Variants in SNTG1 observed in about 807,000 individuals in gnomAD.
SNTG1 encodes syntrophin gamma 1.
SNTG1 carries 39 observed loss-of-function variants against 74.7 expected under a neutral mutation model. The ratio of observed to expected loss-of-function variants is 0.52; its 90% CI spans 0.40 to 0.68. SNTG1 has a LOEUF of 0.68. SNTG1 is among the 30% of genes least tolerant of loss of function. The pLI is 0.00. For missense variants in SNTG1, 685 were observed against 609.5 expected (o/e 1.12, Z -1.30); for synonymous variants, 254 against 217.1 (o/e 1.17, Z -1.49).
Position 49,930,794 on chromosome 8 carries a change from C to A in SNTG1, c.-103+18563C>A, listed in dbSNP as rs561336793. ...CATACTTTCCAATATTTGCACACAGCGATGCTCCCAAAATTTATAAATAAG... is the reference window on the plus strand; with the variant it reads ...CATACTTTCCAATATTTGCACACAGAGATGCTCCCAAAATTTATAAATAAG... On this transcript the variant is annotated intron_variant, in intron 1 of 18. Coordinates refer to ENST00000642720, the MANE Select transcript of SNTG1 (RefSeq NM_018967.5). Among the ~76,000 whole-genome samples the A allele has an allele frequency of 6.6e-5, 10 of 151,998 alleles. No individual in the cohort carries two copies. In the South Asian group the frequency reaches 2.1e-3, roughly 32 times the overall value.
chr8:50,594,381 A>C (rs912575008), intron 13 of SNTG1, among the ~76,000 whole-genome samples: 1 of 152,202 alleles, frequency 6.6e-6, no homozygotes, highest in Non-Finnish European at 1.5e-5. Flanking sequence ...GTAACATTAT[A>C]AAGTATTAAT....
At chr8:49,976,265 T>G (rs1310220925) in intron 1 of SNTG1, among the ~76,000 whole-genome samples, 1 of 152,222 alleles carries the variant, frequency 6.6e-6, no homozygotes, top group Non-Finnish European at 1.5e-5. Context: ...AAGTTTTTTT[T>G]GTTTCATAAA....
intron 1 of SNTG1, among the ~76,000 whole-genome samples, chr8:50,171,371 T>C (rs1204801435): frequency 6.6e-6 from 1 of 152,152 alleles, no homozygotes; most frequent in Non-Finnish European, 1.5e-5. Context: ...TGGAGTCTGA[T>C]GTTCAAGCGC....
intron 1 of SNTG1, among the ~76,000 whole-genome samples, chr8:50,055,212 AC>A (rs1216769178): frequency 6.6e-6 from 1 of 151,768 alleles, no homozygotes; most frequent in Non-Finnish European, 1.5e-5. Context: ...TTCCCTGATC[AC>A]CCCCAAGTTG....
At chr8:50,230,401 A>G (rs949141645) in intron 2 of SNTG1, among the ~76,000 whole-genome samples, 3 of 151,366 alleles carry the variant, frequency 2.0e-5, no homozygotes, top group Non-Finnish European at 4.5e-5. Context: ...AACCAAAAGT[A>G]CATTAAGGGA....
chr8:50,605,435 T>C (rs1230854846), intron 13 of SNTG1, among the ~76,000 whole-genome samples: 1 of 152,154 alleles, frequency 6.6e-6, no homozygotes, highest in Non-Finnish European at 1.5e-5. Flanking sequence ...CTGGGATGGG[T>C]AATTCCTTTC....
At chr8:50,467,307 T>C (rs1237940763) in intron 8 of SNTG1, among the ~76,000 whole-genome samples, 3 of 151,940 alleles carry the variant, frequency 2.0e-5, no homozygotes, top group Admixed American at 2.0e-4. Flanking sequence ...TGCTTTCTTT[T>C]TGTAATGTTA....
intron 1 of SNTG1, among the ~76,000 whole-genome samples, chr8:50,063,867 C>T (rs1820682526): frequency 2.0e-5 from 3 of 152,146 alleles, no homozygotes; most frequent in Non-Finnish European, 4.4e-5. Flanking sequence ...TTATAGATGT[C>T]AGTGATGCCC....
chr8:50,598,609 G>T (rs769629925), intron 13 of SNTG1, among the ~76,000 whole-genome samples: 1 of 151,828 alleles, frequency 6.6e-6, no homozygotes, highest in African/African-American at 2.4e-5. Context: ...TAAAAAATCT[G>T]TGAAAATGGC....
At chr8:50,171,583 C>T (rs927695348) in intron 1 of SNTG1, among the ~76,000 whole-genome samples, 15 of 152,180 alleles carry the variant, frequency 9.9e-5, no homozygotes, top group African/African-American at 2.4e-4. Flanking sequence ...CAGACACACC[C>T]AGGTTCAATA....
chr8:50,399,025 T>C (rs2092766387), intron 3 of SNTG1, among the ~76,000 whole-genome samples: 1 of 152,256 alleles, frequency 6.6e-6, no homozygotes, highest in African/African-American at 2.4e-5. Flanking sequence ...CTGTTAATGC[T>C]GCACAGTATT....
At position 50,266,682 on chromosome 8, in the gene SNTG1, G is replaced by GTA. The variant is rs1341606847; in HGVS notation, c.-28+94048_-28+94049insAT. On this transcript the variant is annotated intron_variant, in intron 2 of 18. Transcript: ENST00000642720. ...TGTGTGTGTGTGTGTGTGTGTGTGT[G>GTA]TGTATATATATATATATGAATGATA... 3.5e-3 allele frequency among the ~76,000 whole-genome samples: 476 copies of GTA among 137,442 alleles called. 3 individuals carry two copies. Among genetic ancestry groups the GTA allele is most frequent in the African/African-American group, 0.012 (433 of 36,170 alleles). 90.2% of individuals were successfully genotyped at this position (137,442 alleles called of 152,430 possible). A position where few individuals can be genotyped will look rare whatever the true frequency, so the allele number is the denominator to read the frequency against.
At chr8:50,173,300 C>T (rs1298652967) in intron 2 of SNTG1, among the ~76,000 whole-genome samples, 1 of 152,050 alleles carries the variant, frequency 6.6e-6, no homozygotes, top group East Asian at 1.9e-4. Context: ...AGGAGGTGAA[C>T]GTGGCTAGAA....
At chr8:50,525,469 C>A (rs1414223700) in intron 9 of SNTG1, among the ~76,000 whole-genome samples, 2 of 152,186 alleles carry the variant, frequency 1.3e-5, no homozygotes, top group African/African-American at 2.4e-5. Flanking sequence ...AAGCTCTCTG[C>A]CCATCTCCTT....
chr8:50,061,347 T>C (rs1009711733), intron 1 of SNTG1, among the ~76,000 whole-genome samples: 3 of 152,098 alleles, frequency 2.0e-5, no homozygotes, highest in African/African-American at 7.2e-5. Context: ...TTTTTAATGG[T>C]TTCAGGATTT....
At chr8:50,539,341 A>G (rs1423084263) in intron 11 of SNTG1, among the ~76,000 whole-genome samples, 3 of 151,960 alleles carry the variant, frequency 2.0e-5, no homozygotes, top group Non-Finnish European at 4.4e-5. Context: ...TTAGCAGGCA[A>G]TCTCTTTGTT....
At chr8:50,617,047 C>G (rs1024030262) in intron 13 of SNTG1, among the ~76,000 whole-genome samples, 1 of 152,136 alleles carries the variant, frequency 6.6e-6, no homozygotes, top group African/African-American at 2.4e-5. Flanking sequence ...AATGTCACCC[C>G]TAAGCTACAT....
intron 1 of SNTG1, among the ~76,000 whole-genome samples, chr8:50,096,472 T>C (rs1297732668): frequency 2.0e-5 from 3 of 152,172 alleles, no homozygotes; most frequent in Non-Finnish European, 4.4e-5. Context: ...TCCAAATGAA[T>C]CTACCCTTGA....
rs866597282 is a variant in SNTG1, at chr8:50,358,388, A to G, written c.-27-35824A>G. Among the ~76,000 whole-genome samples, 14 of 152,324 alleles carry G rather than the reference A, an allele frequency of 9.2e-5. No individual in the cohort carries two copies. In the East Asian group the frequency reaches 1.2e-3, roughly 13 times the overall value. On this transcript the variant is annotated intron_variant, in intron 2 of 18. Transcript: ENST00000642720. ...GCAAAGGTCAGGACCAATGAGTTCC[A>G]TGTGTCCTCAGGAAACCCTGAAGGA...
Sources: gnomAD v4.1 joint callset for allele counts (sites outside exome capture counted in the v4.1 genomes callset) on GRCh38, gnomAD v4.1.1 for gene constraint, MANE v1.5 for transcripts, NCBI Gene and HGNC (gene_info 2026-07-23, HGNC 2026-07-21) for gene names.